CNTNAP3: variants seen among roughly 807,000 people sequenced by gnomAD.
CNTNAP3 encodes the protein contactin-associated protein-like 3.
CNTNAP3 carries 36 observed loss-of-function variants against 92.1 expected under a neutral mutation model. The ratio of observed to expected loss-of-function variants is 0.39; its 90% CI spans 0.30 to 0.52. The LOEUF (loss-of-function observed/expected upper bound fraction) is 0.52, where lower values mean the gene tolerates loss of function less well. Ranked by LOEUF, CNTNAP3 falls within the 20% of genes least tolerant of loss-of-function variation. The pLI is 0.76. For missense variants in CNTNAP3, 534 were observed against 1,069.6 expected (o/e 0.50, Z 6.98); for synonymous variants, 232 against 422.3 (o/e 0.55, Z 5.53).
Position 39,113,792 on chromosome 9 carries a change from A to G in CNTNAP3, c.2237+4311T>C, listed in dbSNP as rs545159673. Among the ~76,000 whole-genome samples, 4 of 151,740 alleles carry G rather than the reference A, an allele frequency of 2.6e-5. No individual in the cohort carries two copies. The South Asian group carries it at 8.3e-4, about 31-fold the overall frequency. ...AACAATAATGTATAATACATTCTAT[A>G]AAGAAATAATTTTTCCTTACTAAAC... On this transcript the variant is annotated intron_variant, in intron 14 of 23. Coordinates refer to ENST00000297668, the MANE Select transcript of CNTNAP3 (RefSeq NM_033655.5).
intron 10 of CNTNAP3, among the ~76,000 whole-genome samples, chr9:39,146,182 G>A (rs1422096516): frequency 6.6e-6 from 1 of 152,144 alleles, no homozygotes; most frequent in South Asian, 2.1e-4. Context: ...CTAGCATGCA[G>A]AAGACCAACA....
intron 17 of CNTNAP3, among the ~76,000 whole-genome samples, chr9:39,102,279 G>GAAAACAAAAACA (rs1201969257): frequency 1.3e-5 from 2 of 152,236 alleles, no homozygotes; most frequent in African/African-American, 4.8e-5. Context: ...GACTCTGTCT[G>GAAAACAAAAACA]AAAACAAAAA....
At chr9:39,142,683 A>G (rs1821605985) in intron 11 of CNTNAP3, among the ~76,000 whole-genome samples, 2 of 151,956 alleles carry the variant, frequency 1.3e-5, no homozygotes, top group African/African-American at 4.8e-5. Context: ...AAAAAAAAAA[A>G]AAAAGAAAAT....
At chr9:39,149,442 C>T (rs1821786527) in intron 10 of CNTNAP3, among the ~76,000 whole-genome samples, 5 of 151,922 alleles carry the variant, frequency 3.3e-5, no homozygotes, top group South Asian at 2.1e-4. Context: ...CTCCACCTCC[C>T]GGGTTCACGC....
Position 39,067,025 on chromosome 9 carries a change from T to C in CNTNAP3, c.*6865A>G, listed in dbSNP as rs1169264283. On this transcript the variant is annotated 3_prime_UTR_variant, in exon 24 of 24. Coordinates refer to ENST00000297668, the MANE Select transcript of CNTNAP3 (RefSeq NM_033655.5). ...CTGAAGTTGTCCCACAGATCACCGA[T>C]ACTCTGATTATTCTTTGTTTTTTTT... Among the ~76,000 whole-genome samples, 1 of 152,284 alleles carries C rather than the reference T, an allele frequency of 6.6e-6. No individual in the cohort carries two copies. The highest frequency in any genetic ancestry group is 1.5e-5 in the Non-Finnish European group (1 of 68,054).
chr9:39,110,593 C>T (rs1826722051), intron 14 of CNTNAP3, among the ~76,000 whole-genome samples: 1 of 152,070 alleles, frequency 6.6e-6, no homozygotes, highest in South Asian at 2.1e-4. Context: ...GGGTCCAATA[C>T]AAAGAGACCT....
intron 15 of CNTNAP3, among the ~76,000 whole-genome samples, chr9:39,107,595 C>T (rs1826639060): frequency 6.6e-6 from 1 of 152,068 alleles, no homozygotes; most frequent in Admixed American, 6.6e-5. Flanking sequence ...AACAAAATCA[C>T]AGAGGTAACA....
intron 3 of CNTNAP3, among the ~76,000 whole-genome samples, chr9:39,209,674 C>T (rs1452971623): frequency 2.1e-3 from 50 of 23,842 alleles, no homozygotes; most frequent in Non-Finnish European, 2.1e-3. Flanking sequence ...CCCCCTCCCC[C>T]CTTCTGCCCC....
intron 14 of CNTNAP3, among the ~76,000 whole-genome samples, chr9:39,114,431 T>C (rs1369106172): frequency 2.0e-5 from 3 of 152,152 alleles, no homozygotes; most frequent in Non-Finnish European, 4.4e-5. Flanking sequence ...ACAAGTGTAG[T>C]GAGATCTTTC....
At chr9:39,147,280 T>C (rs1821726525) in intron 10 of CNTNAP3, among the ~76,000 whole-genome samples, 1 of 150,458 alleles carries the variant, frequency 6.6e-6, no homozygotes, top group Non-Finnish European at 1.5e-5. Context: ...GTTTGTTTGT[T>C]AACAACAACA....
chr9:39,135,255 A>G (rs141182050), intron 12 of CNTNAP3, among the ~76,000 whole-genome samples: 4,728 of 152,094 alleles, frequency 0.031, 123 homozygotes, highest in East Asian at 0.11. Flanking sequence ...AGAGCATCTA[A>G]TATAACCCTT....
At position 39,133,004 on chromosome 9, in the gene CNTNAP3, C is replaced by T. The variant is rs1336732960; in HGVS notation, c.2008G>A (p.Val670Met). ...TGCTCGCAGCGCTCCGCCAGGTTCA[C>T]CGCGGACCGCAGCTGCCCCGCGCCC... ...AAGAGQLRSAVNLAERCEQRL... is the reference protein window; with the variant it reads ...AAGAGQLRSAMNLAERCEQRL... Residue 670 changes from valine (V) to methionine (M), a missense_variant, in exon 13 of 24, where the codon GTG (valine) becomes ATG (methionine). Transcript: ENST00000297668. 2 of 1,539,956 alleles carry T rather than the reference C, an allele frequency of 1.3e-6. No homozygotes were observed. Among genetic ancestry groups the T allele is most frequent in the South Asian group, 2.4e-5 (2 of 84,586 alleles).
intron 13 of CNTNAP3, among the ~76,000 whole-genome samples, chr9:39,132,480 G>A (rs62570010): frequency 0.069 from 10,529 of 152,080 alleles, 510 homozygotes; most frequent in Admixed American, 0.13. Flanking sequence ...TGAAAGTGGC[G>A]GGGCTGAGGA....
At chr9:39,130,026 T>C (rs1821239973) in intron 13 of CNTNAP3, among the ~76,000 whole-genome samples, 1 of 152,138 alleles carries the variant, frequency 6.6e-6, no homozygotes, top group Admixed American at 6.5e-5. Flanking sequence ...GTGGAGGAAA[T>C]GAAATCATAC....
chr9:39,131,910 G>A (rs1352125655), intron 13 of CNTNAP3, among the ~76,000 whole-genome samples: 1 of 150,966 alleles, frequency 6.6e-6, no homozygotes, highest in Non-Finnish European at 1.5e-5. Context: ...TAGCGGATCA[G>A]CGCAAACCAC....
At chr9:39,089,449 C>T (rs1177894802) in intron 18 of CNTNAP3, among the ~76,000 whole-genome samples, 15 of 152,102 alleles carry the variant, frequency 9.9e-5, no homozygotes, top group Admixed American at 9.2e-4. Context: ...CCACATTTTG[C>T]GGATCTATTT....
intron 12 of CNTNAP3, among the ~76,000 whole-genome samples, chr9:39,134,424 T>C (rs1407774314): frequency 2.0e-5 from 3 of 150,896 alleles, no homozygotes; most frequent in East Asian, 1.9e-4. Context: ...AGATTTTTTA[T>C]TTAATTTATT....
intron 12 of CNTNAP3, among the ~76,000 whole-genome samples, chr9:39,133,629 A>C (rs376439202): frequency 3.6e-4 from 55 of 150,750 alleles, no homozygotes; most frequent in East Asian, 2.2e-3. Flanking sequence ...ATGTCAGCTT[A>C]TCCATCAGTG....
At chr9:39,110,198 C>G (rs1826710023) in intron 14 of CNTNAP3, among the ~76,000 whole-genome samples, 1 of 152,090 alleles carries the variant, frequency 6.6e-6, no homozygotes, top group African/African-American at 2.4e-5. Context: ...GAGTTCGAAA[C>G]CAGCCTGGGC....
Sources: allele counts gnomAD v4.1 joint callset (sites outside exome capture counted in the v4.1 genomes callset), GRCh38; gene constraint gnomAD v4.1.1; transcripts MANE v1.5; gene names NCBI Gene and HGNC (gene_info 2026-07-23, HGNC 2026-07-21).